ELAPOR1: variants seen among roughly 807,000 people sequenced by gnomAD.
ELAPOR1 encodes endosome-lysosome associated apoptosis and autophagy regulator 1, also known as endosome/lysosome-associated apoptosis and autophagy regulator 1.
Under a neutral mutation model 119.7 loss-of-function variants are expected in ELAPOR1, and 77 were observed. The ratio of observed to expected loss-of-function variants is 0.64; its 90% CI spans 0.54 to 0.78. The LOEUF (loss-of-function observed/expected upper bound fraction) is 0.78. ELAPOR1 is among the 30% of genes least tolerant of loss of function. The pLI, the probability that ELAPOR1 is intolerant of heterozygous loss-of-function variation, is 0.00. For missense variants in ELAPOR1, 1,115 were observed against 1,270.4 expected (o/e 0.88, Z 1.86); for synonymous variants, 481 against 487.2 (o/e 0.99, Z 0.17).
chr1:109,203,131 AT>A lies in ELAPOR1; in HGVS notation c.*120del. ...CTGGAAATCTCTTCATTGTGGCCTT[AT>A]CAGATGTTTGAATTTCAGATCTTTT... On this transcript the variant is annotated 3_prime_UTR_variant, in exon 22 of 22. Coordinates refer to ENST00000369939, the MANE Select transcript of ELAPOR1 (RefSeq NM_020775.5). The A allele has an allele frequency of 1.5e-6, 1 of 676,654 alleles. No homozygotes were observed. Among genetic ancestry groups the A allele is most frequent in the South Asian group, 1.9e-5 (1 of 53,414 alleles). The allele number at this position is 676,654 out of a possible 1,614,324, so 41.9% of individuals were successfully genotyped here. A position where few individuals can be genotyped will look rare whatever the true frequency, so the allele number is the denominator to read the frequency against.
intron 1 of ELAPOR1, among the ~76,000 whole-genome samples, chr1:109,124,396 A>T (rs1648646230): frequency 6.6e-6 from 1 of 152,034 alleles, no homozygotes; most frequent in Non-Finnish European, 1.5e-5. Context: ...ACATCTAGCT[A>T]CTTTATTATT....
At chr1:109,181,179 T>C (rs928103290) in intron 7 of ELAPOR1, among the ~76,000 whole-genome samples, 1 of 152,138 alleles carries the variant, frequency 6.6e-6, no homozygotes, top group Non-Finnish European at 1.5e-5. Context: ...CTGTGTCCAT[T>C]CAGTACTGAA....
chr1:109,161,138 G>A (rs546965111), intron 1 of ELAPOR1, among the ~76,000 whole-genome samples: 35 of 152,172 alleles, frequency 2.3e-4, no homozygotes, highest in Admixed American at 3.3e-4. Context: ...AGGGCCAGGC[G>A]TGGTGGCTCA....
chr1:109,158,108 A>T (rs34936125), intron 1 of ELAPOR1, among the ~76,000 whole-genome samples: 43,594 of 152,042 alleles, frequency 0.29, 6,885 homozygotes, highest in East Asian at 0.69. Context: ...GGCTGGTCTC[A>T]AACTCCAGAC....
chr1:109,180,475 C>T (rs1340228062), intron 7 of ELAPOR1, among the ~76,000 whole-genome samples: 1 of 148,838 alleles, frequency 6.7e-6, no homozygotes, highest in African/African-American at 2.5e-5. Flanking sequence ...CATTGCACTC[C>T]GGCCTGGGCA....
At chr1:109,126,614 G>T (rs1042743751) in intron 1 of ELAPOR1, among the ~76,000 whole-genome samples, 6 of 152,144 alleles carry the variant, frequency 3.9e-5, no homozygotes, top group Non-Finnish European at 8.8e-5. Context: ...GGGATTACAG[G>T]CACGCGCCAC....
intron 1 of ELAPOR1, among the ~76,000 whole-genome samples, chr1:109,152,959 A>C (rs988255450): frequency 4.6e-5 from 7 of 150,826 alleles, no homozygotes; most frequent in African/African-American, 1.5e-4. Context: ...CTCCAAAAAA[A>C]AAAAAAAAAA....
Position 109,200,860 on chromosome 1 carries a change from A to G in ELAPOR1, c.2933A>G (p.Lys978Arg), listed in dbSNP as rs1654125992. 1.9e-6 allele frequency: 3 copies of G among 1,614,098 alleles called. No individual in the cohort carries two copies. Among genetic ancestry groups the G allele is most frequent in the African/African-American group, 2.7e-5 (2 of 74,930 alleles). ...GAGGACGACCTCATCTTTACCAGCAAGAAGTCACTCTTTGGGAAGATCAAA... is the reference window on the plus strand; with the variant it reads ...GAGGACGACCTCATCTTTACCAGCAGGAAGTCACTCTTTGGGAAGATCAAA... ...DVEDDLIFTS[K>R]KSLFGKIKSF... The change falls in exon 21 of 22, where the codon AAG (lysine) becomes AGG (arginine). Residue 978 changes from lysine to arginine, a missense_variant. Transcript: ENST00000369939.
At chr1:109,196,908 CTT>C (rs1215518268) in intron 15 of ELAPOR1, among the ~76,000 whole-genome samples, 1 of 152,200 alleles carries the variant, frequency 6.6e-6, no homozygotes, top group Non-Finnish European at 1.5e-5. Context: ...GTCTCAATCT[CTT>C]GACCTCATGA....
chr1:109,184,895 G>T (rs80249459), intron 7 of ELAPOR1, 150 bp from the exon 8 acceptor site: 3 of 682,814 alleles, frequency 4.4e-6, no homozygotes, highest in East Asian at 2.5e-5. Flanking sequence ...ATTGAGACAA[G>T]GGGAAGGGTG....
intron 1 of ELAPOR1, among the ~76,000 whole-genome samples, chr1:109,122,014 C>T (rs1221621464): frequency 2.6e-5 from 4 of 151,690 alleles, no homozygotes; most frequent in African/African-American, 2.4e-5. Flanking sequence ...CCTTGTGATC[C>T]GCCCACCTTG....
intron 1 of ELAPOR1, among the ~76,000 whole-genome samples, chr1:109,117,487 T>C (rs1648093200): frequency 1.3e-5 from 2 of 152,102 alleles, no homozygotes; most frequent in African/African-American, 4.8e-5. Flanking sequence ...AGCCCATGGG[T>C]TAGGAATCTA....
rs760211479 is a variant in ELAPOR1, at chr1:109,198,027, T to C, written c.2351T>C (p.Leu784Pro). Residue 784 changes from leucine (L) to proline (P), a missense_variant, in exon 17 of 22, where the codon CTT becomes CCT. Leu to Pro is a moderately conservative substitution (Grantham distance 98, BLOSUM62 -3). Coordinates refer to ENST00000369939, the MANE Select transcript of ELAPOR1 (RefSeq NM_020775.5). ...GATGGAATCACCTCCCCAGCTGAAC[T>C]TTTCCACCTGGAGTCCTTGGGAATA... Reference protein sequence around the residue: ...TLDGITSPAELFHLESLGIPD... With the variant: ...TLDGITSPAEPFHLESLGIPD... 6.2e-7 allele frequency: 1 copy of C among 1,614,092 alleles called. No homozygotes were observed. The highest frequency in any genetic ancestry group is 1.1e-5 in the South Asian group (1 of 91,074).
At chr1:109,161,873 C>A (rs1651282134) in intron 1 of ELAPOR1, 21 bp from the exon 2 acceptor site, 2 of 1,598,546 alleles carry the variant, frequency 1.3e-6, no homozygotes, top group Admixed American at 3.3e-5. Flanking sequence ...CACATTTCGC[C>A]CACTGTTCTC....
chr1:109,116,833 G>A (rs1648044207), intron 1 of ELAPOR1, among the ~76,000 whole-genome samples: 1 of 152,092 alleles, frequency 6.6e-6, no homozygotes, highest in Admixed American at 6.5e-5. Context: ...TGGGATTACA[G>A]GCATGTGCAA....
At chr1:109,135,041 A>C (rs1649381446) in intron 1 of ELAPOR1, among the ~76,000 whole-genome samples, 1 of 152,178 alleles carries the variant, frequency 6.6e-6, no homozygotes, top group Non-Finnish European at 1.5e-5. Flanking sequence ...CAGGTGACTC[A>C]AAAGAAAAAA....
intron 1 of ELAPOR1, among the ~76,000 whole-genome samples, chr1:109,136,534 G>A (rs1430200222): frequency 6.6e-6 from 1 of 152,222 alleles, no homozygotes; most frequent in Non-Finnish European, 1.5e-5. Context: ...GTGGCACTTT[G>A]TTACAGCAGC....
At chr1:109,169,519 G>T (rs554447210) in intron 3 of ELAPOR1, among the ~76,000 whole-genome samples, 1 of 152,116 alleles carries the variant, frequency 6.6e-6, no homozygotes, top group Non-Finnish European at 1.5e-5. Flanking sequence ...AAAGTGCTGC[G>T]ATTACAGGCA....
chr1:109,191,623 CA>C (rs1171272755), intron 12 of ELAPOR1, 102 bp from the exon 13 acceptor site: 1 of 1,501,556 alleles, frequency 6.7e-7, no homozygotes, highest in Non-Finnish European at 9.2e-7. Context: ...CACAGTTTAA[CA>C]AGGGTCTCAC....
Sources: allele counts gnomAD v4.1 joint callset (sites outside exome capture counted in the v4.1 genomes callset), GRCh38; gene constraint gnomAD v4.1.1; transcripts MANE v1.5; gene names NCBI Gene and HGNC (gene_info 2026-07-23, HGNC 2026-07-21).